RAPGEF1: variants seen among roughly 807,000 people sequenced by gnomAD.
RAPGEF1 encodes the protein Rap guanine nucleotide exchange factor 1, also known as CRK SH3-binding GNRP.
In RAPGEF1, 33 loss-of-function variants were observed where a neutral mutation model predicts 143.3. The ratio of observed to expected loss-of-function variants is 0.23; its 90% CI spans 0.17 to 0.31. RAPGEF1 has a LOEUF of 0.31. Among genes scored for constraint, RAPGEF1 ranks in the 10% least tolerant of loss-of-function variants. RAPGEF1 has a pLI of 1.00. For synonymous variants in RAPGEF1, 629 were observed against 676.5 expected, an observed-to-expected ratio of 0.93 and a Z score of 1.09; for missense variants, 1,199 against 1,645.4, an observed-to-expected ratio of 0.73 and a Z score of 4.69.
chr9:131,663,577 T>C (rs1043899951), intron 1 of RAPGEF1, among the ~76,000 whole-genome samples: 1 of 152,088 alleles, frequency 6.6e-6, no homozygotes, highest in Non-Finnish European at 1.5e-5. Context: ...CTTTTGGACG[T>C]TGACATATTT....
chr9:131,650,064 A>T lies in RAPGEF1; in HGVS notation c.315+65T>A. 1 of 1,353,682 alleles carries T rather than the reference A, an allele frequency of 7.4e-7. No homozygotes were observed. The highest frequency in any genetic ancestry group is 1.0e-6 in the Non-Finnish European group (1 of 971,054). 83.9% of individuals were successfully genotyped at this position (1,353,682 alleles called of 1,614,324 possible). A position where few individuals can be genotyped will look rare whatever the true frequency, so the allele number is the denominator to read the frequency against. ...CAATAGAGTTTTTTCCATCCCCAAAACCATGGACCAGGATTCTGCAGTAGA... is the reference window on the plus strand; with the variant it reads ...CAATAGAGTTTTTTCCATCCCCAAATCCATGGACCAGGATTCTGCAGTAGA... On this transcript the variant is annotated intron_variant, in intron 3 of 26. Transcript: ENST00000683357. The surrounding 1 kb of genome is among the most constrained non-coding windows in gnomAD (Gnocchi z 4.7).
intron 1 of RAPGEF1, among the ~76,000 whole-genome samples, chr9:131,662,139 C>T (rs897386180): frequency 3.3e-5 from 5 of 152,164 alleles, no homozygotes; most frequent in South Asian, 4.1e-4. Flanking sequence ...CCCACCCACC[C>T]GGCCTGCTCA....
At chr9:131,712,372 C>G (rs947413688) in intron 1 of RAPGEF1, among the ~76,000 whole-genome samples, 1 of 152,248 alleles carries the variant, frequency 6.6e-6, no homozygotes, top group Non-Finnish European at 1.5e-5. Context: ...CATACACACA[C>G]TGATTGTCCC....
intron 1 of RAPGEF1, among the ~76,000 whole-genome samples, chr9:131,706,071 C>A (rs943934114): frequency 3.3e-5 from 5 of 152,176 alleles, no homozygotes; most frequent in Non-Finnish European, 7.3e-5. Context: ...TCAGGGGCCG[C>A]CTGGTCTGTC....
chr9:131,671,429 G>C (rs1334908556), intron 1 of RAPGEF1, among the ~76,000 whole-genome samples: 1 of 152,200 alleles, frequency 6.6e-6, no homozygotes, highest in African/African-American at 2.4e-5. Context: ...TAAAAACCAA[G>C]TCCCAGTTCT....
At chr9:131,724,633 A>G (rs183111403) in intron 1 of RAPGEF1, among the ~76,000 whole-genome samples, 74 of 152,232 alleles carry the variant, frequency 4.9e-4, no homozygotes, top group Non-Finnish European at 9.0e-4. Context: ...AAACACCAGG[A>G]TTGTTATTTT....
chr9:131,582,959 A>G (rs563766642), intron 24 of RAPGEF1, among the ~76,000 whole-genome samples: 9 of 152,330 alleles, frequency 5.9e-5, no homozygotes, highest in African/African-American at 2.2e-4. Context: ...AACACCCCAC[A>G]GTACTCATTG....
intron 1 of RAPGEF1, among the ~76,000 whole-genome samples, chr9:131,660,713 T>G (rs1973831584): frequency 6.6e-6 from 1 of 152,208 alleles, no homozygotes; most frequent in African/African-American, 2.4e-5. Context: ...CCCACTGAGC[T>G]GAATGCAGCC....
chr9:131,603,797 A>G (rs1422218677), intron 14 of RAPGEF1, among the ~76,000 whole-genome samples, 164 bp downstream of exon 14: 1 of 152,210 alleles, frequency 6.6e-6, no homozygotes, highest in Admixed American at 6.5e-5. Flanking sequence ...GTCCTCTCCA[A>G]AGGGCCGAGC....
chr9:131,634,314 C>G (rs534315848), intron 5 of RAPGEF1, among the ~76,000 whole-genome samples: 1 of 152,088 alleles, frequency 6.6e-6, no homozygotes, highest in African/African-American at 2.4e-5. Context: ...TGGAAACTGC[C>G]GACTGGTCAC....
At chr9:131,623,020 G>A (rs142598641) in intron 10 of RAPGEF1, among the ~76,000 whole-genome samples, 353 of 152,104 alleles carry the variant, frequency 2.3e-3, no homozygotes, top group South Asian at 8.9e-3. Context: ...CACCTGGCTC[G>A]TCCTCCCAAA....
intron 12 of RAPGEF1, among the ~76,000 whole-genome samples, chr9:131,608,465 A>G (rs1157128721): frequency 1.3e-5 from 2 of 152,164 alleles, no homozygotes; most frequent in Non-Finnish European, 2.9e-5. Context: ...AACTTCACCC[A>G]CTGCATGGGT....
At chr9:131,734,933 C>G (rs1429249251) in intron 1 of RAPGEF1, among the ~76,000 whole-genome samples, 1 of 152,178 alleles carries the variant, frequency 6.6e-6, no homozygotes, top group Non-Finnish European at 1.5e-5. Flanking sequence ...TTTAGCAGGC[C>G]CAGTGAACTG....
At chr9:131,683,072 T>C (rs1833051121) in intron 1 of RAPGEF1, among the ~76,000 whole-genome samples, 1 of 152,180 alleles carries the variant, frequency 6.6e-6, no homozygotes, top group African/African-American at 2.4e-5. Context: ...CCAGAACAAT[T>C]ATATAGTCCT....
intron 5 of RAPGEF1, among the ~76,000 whole-genome samples, chr9:131,634,437 G>A (rs1450283105): frequency 6.6e-6 from 1 of 151,980 alleles, no homozygotes; most frequent in African/African-American, 2.4e-5. Flanking sequence ...CATAGGTCGG[G>A]CGCGGTGGTT....
chr9:131,624,971 C>T (rs1962509907), intron 10 of RAPGEF1, among the ~76,000 whole-genome samples: 1 of 152,252 alleles, frequency 6.6e-6, no homozygotes, highest in African/African-American at 2.4e-5. Flanking sequence ...CAGGGCGACC[C>T]TTGCTGGACT....
In RAPGEF1 at chr9:131,584,277, G is replaced by GC; in HGVS notation, c.3414+33dup. The GC allele has an allele frequency of 6.4e-7, 1 of 1,559,674 alleles. No individual in the cohort carries two copies. Among genetic ancestry groups the GC allele is most frequent in the South Asian group, 1.2e-5 (1 of 86,706 alleles). On this transcript the variant is annotated intron_variant, in intron 24 of 26. Transcript: ENST00000683357. This position sits in a 1 kb window ranked among gnomAD's most constrained non-coding sequence, Gnocchi z 6.8. ...GAGGGCTGGGCGGCCCCCCTTACCAGCCACCCTCCCGCCCACGCCCCAAGG... is the reference window on the plus strand; with the variant it reads ...GAGGGCTGGGCGGCCCCCCTTACCAGCCCACCCTCCCGCCCACGCCCCAAGG...
chr9:131,673,689 A>AC (rs561394103), intron 1 of RAPGEF1, among the ~76,000 whole-genome samples: 146 of 151,734 alleles, frequency 9.6e-4, no homozygotes, highest in African/African-American at 1.5e-3. Context: ...CTACAAAAGC[A>AC]CCCCCCCGGC....
chr9:131,637,273 T>C (rs1175274291), intron 5 of RAPGEF1, among the ~76,000 whole-genome samples: 7 of 151,686 alleles, frequency 4.6e-5, no homozygotes, highest in Non-Finnish European at 8.8e-5. Flanking sequence ...GAGGAAAATA[T>C]TGATGTCATC....
Sources: gnomAD v4.1 joint callset for allele counts (sites outside exome capture counted in the v4.1 genomes callset) on GRCh38, gnomAD v4.1.1 for gene constraint, Gnocchi (gnomAD v3.1) non-coding constraint, MANE v1.5 for transcripts, NCBI Gene and HGNC (gene_info 2026-07-23, HGNC 2026-07-21) for gene names.